The following ZNF664 variants were observed in gnomAD, a reference collection of about 807,000 sequenced individuals.
The protein encoded by ZNF664 is zinc finger protein 664, also known as zinc finger Organ of Corti 1.
Under a neutral mutation model 18.2 loss-of-function variants are expected in ZNF664, and 10 were observed. The ratio of observed to expected loss-of-function variants is 0.55; its 90% CI spans 0.34 to 0.93. The LOEUF is 0.93. Ranked by LOEUF, ZNF664 falls within the 40% of genes least tolerant of loss-of-function variation. The pLI is 0.02. For missense variants in ZNF664, 193 were observed against 319.0 expected (o/e 0.61, Z 3.01); for synonymous variants, 119 against 104.2 (o/e 1.14, Z -0.86).
intron 2 of ZNF664, among the ~76,000 whole-genome samples, chr12:123,979,756 T>C (rs1345363469): frequency 1.3e-5 from 2 of 152,138 alleles, no homozygotes; most frequent in African/African-American, 4.8e-5. Context: ...TGTGGTTCAG[T>C]GTAGCCTCAG....
intron 3 of ZNF664, among the ~76,000 whole-genome samples, chr12:124,001,039 C>T (rs1594566838): frequency 6.6e-6 from 1 of 152,182 alleles, no homozygotes; most frequent in African/African-American, 2.4e-5. Flanking sequence ...TGTCTTCAAA[C>T]CTTGGTCTTT....
intron 3 of ZNF664, among the ~76,000 whole-genome samples, chr12:123,996,798 C>G (rs1241509155): frequency 1.3e-5 from 2 of 152,134 alleles, no homozygotes; most frequent in African/African-American, 4.8e-5. Context: ...CCTGCATTAC[C>G]AGGACAAAGC....
chr12:123,991,272 A>T (rs1163024306), intron 3 of ZNF664, among the ~76,000 whole-genome samples: 3 of 152,200 alleles, frequency 2.0e-5, no homozygotes, highest in Non-Finnish European at 4.4e-5. Context: ...AGGAAAAAAA[A>T]GTAGTGGGGT....
At chr12:123,989,436 G>T (rs555908963) in intron 3 of ZNF664, 1 of 152,142 alleles carries the variant, frequency 6.6e-6, no homozygotes, top group East Asian at 1.9e-4. Context: ...AGTCTTTATC[G>T]TGAGTGGTAA....
intron 3 of ZNF664, among the ~76,000 whole-genome samples, chr12:124,006,500 G>A (rs2138443792): frequency 6.6e-6 from 1 of 152,314 alleles, no homozygotes; most frequent in South Asian, 2.1e-4. Context: ...TTGTATTTAA[G>A]ACTCAGTTTT....
chr12:123,977,221 CAAATT>C (rs997220696), intron 2 of ZNF664, among the ~76,000 whole-genome samples: 1 of 151,920 alleles, frequency 6.6e-6, no homozygotes, highest in African/African-American at 2.4e-5. Flanking sequence ...ATCAGAGAGT[CAAATT>C]AAAAATTGGG....
chr12:123,988,441 T>G (rs779463822), intron 3 of ZNF664, among the ~76,000 whole-genome samples: 2 of 152,238 alleles, frequency 1.3e-5, no homozygotes, highest in Non-Finnish European at 2.9e-5. Flanking sequence ...TTGTTTCAGT[T>G]GTCCCATTTT....
At chr12:123,996,693 G>A (rs1346501368) in intron 3 of ZNF664, among the ~76,000 whole-genome samples, 1 of 152,160 alleles carries the variant, frequency 6.6e-6, no homozygotes, top group African/African-American at 2.4e-5. Context: ...GTCGTTGGGG[G>A]CGGGCTTTAT....
At chr12:123,996,271 C>T (rs1956947260) in intron 3 of ZNF664, among the ~76,000 whole-genome samples, 1 of 152,164 alleles carries the variant, frequency 6.6e-6, no homozygotes, top group Non-Finnish European at 1.5e-5. Context: ...TGAGGTCACA[C>T]TTAGTAAGTG....
At chr12:123,984,373 C>T (rs775991686) in intron 2 of ZNF664, among the ~76,000 whole-genome samples, 1 of 151,974 alleles carries the variant, frequency 6.6e-6, no homozygotes, top group Non-Finnish European at 1.5e-5. Flanking sequence ...AGAGGAACCT[C>T]GGTGGTGTGG....
rs1957160000 is a variant in ZNF664, at chr12:124,013,726, TGA to T, written c.*800_*801del. 1 of 167,138 alleles carries T rather than the reference TGA, an allele frequency of 6.0e-6. No homozygotes were observed. The highest frequency in any genetic ancestry group is 2.4e-5 in the African/African-American group (1 of 41,458). The allele number at this position is 167,138 out of a possible 1,614,324, so 10.4% of individuals were successfully genotyped here. A position where few individuals can be genotyped will look rare whatever the true frequency, so the allele number is the denominator to read the frequency against. On this transcript the variant is annotated 3_prime_UTR_variant, in exon 5 of 5. Coordinates refer to ENST00000337815, the MANE Select transcript of ZNF664 (RefSeq NM_152437.3). Reference sequence around the variant, plus strand: ...AGCAGGGAGGAAGAAGCAAGCAAAGTGAGAGCTTTTCTTCATCCAGAATTGCC... The same window carrying T: ...AGCAGGGAGGAAGAAGCAAGCAAAGTGAGCTTTTCTTCATCCAGAATTGCC...
chr12:124,009,531 C>T (rs1194533463), intron 3 of ZNF664, among the ~76,000 whole-genome samples: 1 of 151,998 alleles, frequency 6.6e-6, no homozygotes, highest in Non-Finnish European at 1.5e-5. Context: ...TAGGGTCTCA[C>T]TCTGTTGCTG....
Position 124,012,910 on chromosome 12 carries a change from C to T in ZNF664, c.766C>T (p.Leu256Phe), listed in dbSNP as rs929143090. The change falls in exon 5 of 5, where the codon CTC (leucine) becomes TTC (phenylalanine). Residue 256 changes from leucine (L) to phenylalanine (F), a missense_variant. Physicochemically the swap from Leu to Phe is conservative, Grantham distance 22. Around this residue, in one of 3 missense-constraint regions of ZNF664, gnomAD observed 42 missense variants for 46.4 expected, o/e 0.91. Transcript: ENST00000337815. ...QRVHTKERNH[L>F]KISVI ...AGTCCACACAAAGGAGAGAAACCATCTCAAAATATCAGTTATATAAAACGT... is the reference window on the plus strand; with the variant it reads ...AGTCCACACAAAGGAGAGAAACCATTTCAAAATATCAGTTATATAAAACGT... 3 of 1,613,714 alleles carry T rather than the reference C, an allele frequency of 1.9e-6. No homozygotes were observed. Among genetic ancestry groups the T allele is most frequent in the Non-Finnish European group, 2.5e-6 (3 of 1,179,906 alleles).
At chr12:123,982,257 A>AG (rs1956773826) in intron 2 of ZNF664, among the ~76,000 whole-genome samples, 1 of 152,208 alleles carries the variant, frequency 6.6e-6, no homozygotes, top group South Asian at 2.1e-4. Flanking sequence ...AGTGGAGAAA[A>AG]GGTAGCGGAG....
At chr12:124,006,771 C>T (rs933175092) in intron 3 of ZNF664, among the ~76,000 whole-genome samples, 1 of 152,150 alleles carries the variant, frequency 6.6e-6, no homozygotes, top group Non-Finnish European at 1.5e-5. Context: ...ATGCTGGGGG[C>T]GTTCCTGAGC....
At chr12:123,977,021 A>G (rs1321922255) in intron 2 of ZNF664, among the ~76,000 whole-genome samples, 3 of 152,184 alleles carry the variant, frequency 2.0e-5, no homozygotes, top group African/African-American at 4.8e-5. Context: ...TGGAGCTTGC[A>G]GTGAGCGGAG....
Position 124,014,994 on chromosome 12 carries a change from C to A in ZNF664, c.*2064C>A, listed in dbSNP as rs1394306578. On this transcript the variant is annotated 3_prime_UTR_variant, in exon 5 of 5. Transcript: ENST00000337815. The stretch of plus-strand genomic sequence containing the variant: ...CTTCCAGGCCTGAATTCCACAAGTA[C>A]GATTTACTGTAGTGTCTTATCACTC... 6.0e-6 allele frequency: 1 copy of A among 167,066 alleles called. No individual in the cohort carries two copies. The allele number at this position is 167,066 out of a possible 1,614,324, so 10.3% of individuals were successfully genotyped here.
Position 124,011,598 on chromosome 12 carries a change from C to G in ZNF664, c.-547C>G. ...TTCCCCAAAGCAGGGCTTGCCATAC[C>G]TGGACCCCGAGGAGCCTGCTTGCTG... is the stretch of plus-strand genomic sequence containing the variant. On this transcript the variant is annotated 5_prime_UTR_variant, in exon 5 of 5. Transcript: ENST00000337815. The G allele has an allele frequency of 1.0e-6, 1 of 990,990 alleles. No homozygotes were observed. The highest frequency in any genetic ancestry group is 1.7e-5 in the African/African-American group (1 of 57,442). The allele number at this position is 990,990 out of a possible 1,614,324, so 61.4% of individuals were successfully genotyped here.
In ZNF664 at chr12:124,015,055, G is replaced by A. The variant is rs1200874157; in HGVS notation, c.*2125G>A. 2 of 167,128 alleles carry A rather than the reference G, an allele frequency of 1.2e-5. No homozygotes were observed. The highest frequency in any genetic ancestry group is 4.8e-5 in the African/African-American group (2 of 41,470). The allele number at this position is 167,128 out of a possible 1,614,324, so 10.4% of individuals were successfully genotyped here. A position where few individuals can be genotyped will look rare whatever the true frequency, so the allele number is the denominator to read the frequency against. The stretch of plus-strand genomic sequence containing the variant: ...CAATAGCGTGGAGCATTAGAGAAAA[G>A]CCTAGACTTTTAGTTGATAGCCAGT... On this transcript the variant is annotated 3_prime_UTR_variant, in exon 5 of 5. Coordinates refer to ENST00000337815, the MANE Select transcript of ZNF664 (RefSeq NM_152437.3).
Sources: gnomAD v4.1 joint callset for allele counts (sites outside exome capture counted in the v4.1 genomes callset) on GRCh38, gnomAD v4.1.1 for gene constraint, gnomAD v4.1.1 regional missense constraint, MANE v1.5 for transcripts, NCBI Gene and HGNC (gene_info 2026-07-23, HGNC 2026-07-21) for gene names.